Variants in NPC1 observed in about 807,000 individuals in gnomAD.
The protein encoded by NPC1 is NPC intracellular cholesterol transporter 1, also known as Niemann-Pick C1 protein.
A neutral mutation model predicts 140.4 loss-of-function variants in NPC1; 85 were observed. The ratio of observed to expected loss-of-function variants is 0.61; its 90% CI spans 0.51 to 0.72. The LOEUF (loss-of-function observed/expected upper bound fraction) is 0.72. Among genes scored for constraint, NPC1 ranks in the 30% least tolerant of loss-of-function variants. The pLI is 0.00. For synonymous variants in NPC1, 656 were observed against 624.8 expected, an observed-to-expected ratio of 1.05 and a Z score of -0.74; for missense variants, 1,504 against 1,623.8, an observed-to-expected ratio of 0.93 and a Z score of 1.27.
intron 3 of NPC1, among the ~76,000 whole-genome samples, chr18:23,569,450 G>A (rs1264836125): frequency 1.3e-5 from 2 of 152,054 alleles, no homozygotes; most frequent in African/African-American, 2.4e-5. Context: ...AGCCTCCCAA[G>A]TAGCTAGGAC....
chr18:23,558,720 T>G (rs989400998), intron 6 of NPC1, among the ~76,000 whole-genome samples: 1 of 152,190 alleles, frequency 6.6e-6, no homozygotes, highest in Admixed American at 6.5e-5. Flanking sequence ...ACTATGAGTT[T>G]TTTTTTTAAT....
At position 23,580,211 on chromosome 18, in the gene NPC1, ACT is replaced by A. The variant is rs3837912; in HGVS notation, c.57+6074_57+6075del. On this transcript the variant is annotated intron_variant, in intron 1 of 24. Transcript: ENST00000269228. ...GGTAAGTGAACTCAGGCTCAAAGATACTCTGAGGTCACATGGCTCATAAATAA... is the reference window on the plus strand; with the variant it reads ...GGTAAGTGAACTCAGGCTCAAAGATACTGAGGTCACATGGCTCATAAATAA... Among the ~76,000 whole-genome samples, 889 of 152,214 alleles carry A rather than the reference ACT, an allele frequency of 5.8e-3. 42 individuals are homozygous for A. In the East Asian group the frequency reaches 0.11, roughly 19 times the overall value.
chr18:23,571,926 T>C lies in NPC1; in HGVS notation c.287+148A>G, dbSNP rs548973245. The C allele has an allele frequency of 2.8e-5, 8 of 282,384 alleles. No individual in the cohort carries two copies. In the East Asian group the frequency reaches 6.8e-4, roughly 24 times the overall value. 17.5% of individuals were successfully genotyped at this position (282,384 alleles called of 1,614,324 possible). On this transcript the variant is annotated intron_variant, in intron 3 of 24. Coordinates refer to ENST00000269228, the MANE Select transcript of NPC1 (RefSeq NM_000271.5). The stretch of plus-strand genomic sequence containing the variant: ...AATATATATTCACCTACTTTACATG[T>C]ATACATATATGTATAAATATATAAT...
At chr18:23,526,811 G>C (rs368234582), downstream of NPC1, 1 of 1,599,528 alleles carries the variant, frequency 6.3e-7, no homozygotes, top group Non-Finnish European at 8.5e-7. Flanking sequence ...TGTGAGGCCT[G>C]TGCTGCCCAA....
chr18:23,575,284 C>A (rs899702967), intron 1 of NPC1, among the ~76,000 whole-genome samples: 11 of 152,192 alleles, frequency 7.2e-5, no homozygotes, highest in African/African-American at 2.7e-4. Flanking sequence ...TTCCTTTTCA[C>A]AAAGATCATT....
chr18:23,520,190 T>C, downstream of NPC1: 9 of 1,609,048 alleles, frequency 5.6e-6, no homozygotes, highest in Non-Finnish European at 7.7e-6. Flanking sequence ...GTCTTGTCTT[T>C]TTCCCCCCCA....
downstream of NPC1, chr18:23,528,866 C>T (rs1178705338): frequency 4.3e-6 from 1 of 231,130 alleles, no homozygotes; most frequent in African/African-American, 2.3e-5. Flanking sequence ...ATTGCATAAT[C>T]TGCACGGATC....
At chr18:23,571,630 G>T (rs1227322014) in intron 3 of NPC1, among the ~76,000 whole-genome samples, 1 of 149,240 alleles carries the variant, frequency 6.7e-6, no homozygotes, top group Non-Finnish European at 1.5e-5. Context: ...CTCCAGCCTC[G>T]GTGACAGAGC....
rs753571436 is a variant in NPC1, at chr18:23,543,441, G to A, written c.2245+14C>T. 2.7e-6 allele frequency: 4 copies of A among 1,465,300 alleles called. No homozygotes were observed. In the African/African-American group the frequency reaches 5.6e-5, roughly 20 times the overall value. The allele number at this position is 1,465,300 out of a possible 1,614,324, so 90.8% of individuals were successfully genotyped here. The stretch of plus-strand genomic sequence containing the variant: ...AGCAGACTACAGGACTGGTAGGATT[G>A]AAAGCATAATTACCTAAGAAAAATG... On this transcript the variant is annotated intron_variant, in intron 14 of 24. Transcript: ENST00000269228.
Position 23,561,290 on chromosome 18 carries a change from T to C in NPC1, c.631+70A>G, listed in dbSNP as rs1598986508. 3.3e-6 allele frequency: 5 copies of C among 1,533,842 alleles called. No homozygotes were observed. In the East Asian group the frequency reaches 1.1e-4, roughly 35 times the overall value. On this transcript the variant is annotated intron_variant, in intron 5 of 24. Coordinates refer to ENST00000269228, the MANE Select transcript of NPC1 (RefSeq NM_000271.5). ...GTCTCCCCAAGCACTGGTGAGCCACTGTGCCCAGCCAGTTCCTTGGCTTTA... is the reference window on the plus strand; with the variant it reads ...GTCTCCCCAAGCACTGGTGAGCCACCGTGCCCAGCCAGTTCCTTGGCTTTA...
intron 20 of NPC1, among the ~76,000 whole-genome samples, chr18:23,538,150 A>G (rs1287454783): frequency 6.6e-6 from 1 of 152,194 alleles, no homozygotes; most frequent in Non-Finnish European, 1.5e-5. Context: ...AATGTGGGAT[A>G]ATGTTACTAA....
intron 17 of NPC1, 77 bp downstream of exon 17, chr18:23,540,371 C>T: frequency 1.0e-6 from 1 of 963,304 alleles, no homozygotes. Context: ...CTTGAAACAC[C>T]TACGTGCATG....
intron 9 of NPC1, among the ~76,000 whole-genome samples, chr18:23,553,734 G>A (rs2058908384): frequency 6.6e-6 from 1 of 152,204 alleles, no homozygotes; most frequent in Non-Finnish European, 1.5e-5. Context: ...CCTACTGGGA[G>A]AAGCCTTAAG....
In NPC1 at chr18:23,556,338, G is replaced by A. The variant is rs1165354098; in HGVS notation, c.1231C>T (p.Arg411Trp). The change falls in exon 8 of 25, where the codon CGG (arginine) becomes TGG (tryptophan). Residue 411 changes from arginine (R) to tryptophan (W), a missense_variant. By Grantham distance (101) the Arg-to-Trp change is moderately radical (BLOSUM62 -3). Transcript: ENST00000269228. ...ATGTGTTTGTCAGTGAGAGGGGCCC[G>A]GATGATGAGCTGCTCCGTCCGGAAG... ...PFFRTEQLII[R>W]APLTDKHIYQ... 8.1e-6 allele frequency: 13 copies of A among 1,613,964 alleles called. No homozygotes were observed. Among genetic ancestry groups the A allele is most frequent in the Admixed American group, 3.3e-5 (2 of 59,992 alleles).
At chr18:23,517,409 A>G (rs1350311860), downstream of NPC1, among the ~76,000 whole-genome samples, 1 of 152,072 alleles carries the variant, frequency 6.6e-6, no homozygotes, top group Admixed American at 6.5e-5. Flanking sequence ...CAGCCTCCCA[A>G]AGTGTTGGGA....
intron 1 of NPC1, among the ~76,000 whole-genome samples, chr18:23,581,079 GTTT>G (rs1188640701): frequency 6.6e-6 from 1 of 152,150 alleles, no homozygotes; most frequent in African/African-American, 2.4e-5. Context: ...TTAGCTTCTG[GTTT>G]TTTATGTGAC....
chr18:23,507,439 T>C (rs1332979143), intron 3 of NPC1, among the ~76,000 whole-genome samples: 1 of 152,214 alleles, frequency 6.6e-6, no homozygotes, highest in African/African-American at 2.4e-5. Flanking sequence ...TATTGCTTGA[T>C]AGCAGCATAG....
chr18:23,573,306 A>T, intron 2 of NPC1, 146 bp downstream of exon 2: 1 of 1,126,482 alleles, frequency 8.9e-7, no homozygotes, highest in Non-Finnish European at 1.3e-6. Context: ...ACTGTATGCC[A>T]CAGGTTAGAG....
intron 20 of NPC1, 26 bp from the exon 21 acceptor site, chr18:23,536,902 G>T (rs759093590): frequency 1.9e-6 from 3 of 1,586,476 alleles, no homozygotes; most frequent in Non-Finnish European, 2.6e-6. Context: ...TGGGTGTCAA[G>T]AGAGTCCAGG....
Sources: gnomAD v4.1 joint callset for allele counts (sites outside exome capture counted in the v4.1 genomes callset) on GRCh38, gnomAD v4.1.1 for gene constraint, MANE v1.5 for transcripts, NCBI Gene and HGNC (gene_info 2026-07-23, HGNC 2026-07-21) for gene names.